The following TNFRSF13B variants were observed in gnomAD, a reference collection of about 807,000 sequenced individuals.
The protein encoded by TNFRSF13B is TNF receptor superfamily member 13B.
A neutral mutation model predicts 24.0 loss-of-function variants in TNFRSF13B; 34 were observed. The ratio of observed to expected loss-of-function variants is 1.41; its 90% CI spans 1.08 to 1.88. The LOEUF (loss-of-function observed/expected upper bound fraction) is 1.88. TNFRSF13B is among the 40% of genes most tolerant of loss of function. The pLI, the probability that TNFRSF13B is intolerant of heterozygous loss-of-function variation, is 0.00. For synonymous variants in TNFRSF13B, 173 were observed against 150.3 expected, an observed-to-expected ratio of 1.15 and a Z score of -1.10; for missense variants, 415 against 380.8, an observed-to-expected ratio of 1.09 and a Z score of -0.75.
rs1271970429 is a variant in TNFRSF13B, at chr17:16,952,556, G to A, written c.89C>T (p.Ala30Val). ...RFPQGLWTGV[A>V]MRSCPEEQYW... ...CTGCTCTTCGGGGCAGGATCTCATA[G>A]CCACCCCCGTCCACAGGCCCTGTGG... is the stretch of plus-strand genomic sequence containing the variant. Residue 30 changes from alanine (A) to valine (V), a missense_variant, in exon 2 of 5, where the codon GCT becomes GTT. Physicochemically the swap from Ala to Val is moderately conservative, Grantham distance 64. Transcript: ENST00000261652. 6.2e-7 allele frequency: 1 copy of A among 1,614,218 alleles called. No homozygotes were observed.
chr17:16,948,756 C>T lies in TNFRSF13B; in HGVS notation c.427G>A (p.Gly143Ser), dbSNP rs745632182. 1 of 1,614,136 alleles carries T rather than the reference C, an allele frequency of 6.2e-7. No homozygotes were observed. The highest frequency in any genetic ancestry group is 8.5e-7 in the Non-Finnish European group (1 of 1,180,044). ...SGRYQGLEHR[G>S]SEASPALPGL... ...GGCTTACCTGGACTTGCTTCTGAGC[C>T]TCTGTGCTCCAATCCTTGGTACCTT... Residue 143 changes from glycine to serine, a missense_variant, in exon 3 of 5, where the codon GGC becomes AGC. Transcript: ENST00000261652.
At chr17:16,960,624 T>C (rs1247597427) in intron 1 of TNFRSF13B, among the ~76,000 whole-genome samples, 1 of 152,156 alleles carries the variant, frequency 6.6e-6, no homozygotes, top group Non-Finnish European at 1.5e-5. Flanking sequence ...CAAAATGGAC[T>C]AAGTGCTAAA....
intron 1 of TNFRSF13B, among the ~76,000 whole-genome samples, chr17:16,953,664 TG>T (rs1487030584): frequency 7.2e-5 from 11 of 152,356 alleles, no homozygotes; most frequent in African/African-American, 2.4e-4. Flanking sequence ...AATCTTCCAC[TG>T]TGTGCATGCA....
chr17:16,940,692 AC>A lies in TNFRSF13B; in HGVS notation c.446-182del. ...TCTGGATCCTGGAGGAAGTTGATCCACTCCCCCATCCTGGCAGCAACTTTCT... is the reference window on the plus strand; with the variant it reads ...TCTGGATCCTGGAGGAAGTTGATCCATCCCCCATCCTGGCAGCAACTTTCT... On this transcript the variant is annotated intron_variant, in intron 3 of 4. Transcript: ENST00000261652. 8 of 1,463,092 alleles carry A rather than the reference AC, an allele frequency of 5.5e-6. No individual in the cohort carries two copies. In the South Asian group the frequency reaches 1.1e-4, roughly 20 times the overall value. The allele number at this position is 1,463,092 out of a possible 1,614,324, so 90.6% of individuals were successfully genotyped here.
intron 1 of TNFRSF13B, among the ~76,000 whole-genome samples, chr17:16,965,323 G>A (rs1255950340): frequency 1.3e-5 from 2 of 152,072 alleles, no homozygotes; most frequent in African/African-American, 4.8e-5. Flanking sequence ...TCTGGGCTGG[G>A]GGAACTACCC....
intron 3 of TNFRSF13B, among the ~76,000 whole-genome samples, chr17:16,945,128 C>G (rs2087538278): frequency 6.6e-6 from 1 of 152,206 alleles, no homozygotes; most frequent in Non-Finnish European, 1.5e-5. Context: ...CACAGAGCCA[C>G]CAAAAGCCGC....
chr17:16,963,738 G>A (rs576204111), intron 1 of TNFRSF13B, among the ~76,000 whole-genome samples: 1 of 152,234 alleles, frequency 6.6e-6, no homozygotes, highest in African/African-American at 2.4e-5. Context: ...TTTTAGTAGA[G>A]ACAGGGTTTC....
intron 1 of TNFRSF13B, among the ~76,000 whole-genome samples, chr17:16,961,425 A>G (rs934141514): frequency 1.3e-5 from 2 of 152,230 alleles, no homozygotes; most frequent in Non-Finnish European, 2.9e-5. Context: ...TGAATGGAAT[A>G]CTTATACATG....
At position 16,940,364 on chromosome 17, in the gene TNFRSF13B, C is replaced by T. The variant is rs150974807; in HGVS notation, c.593G>A (p.Arg198His). ...KRGDPCSCQP[R>H]SRPRQSPAKS... ...GGCCGGACTTTGACGGGGCCTTGAG[C>T]GGGGCTGGCAGGAGCAGGGATCCCC... The change falls in exon 4 of 5, where the codon CGC becomes CAC. Residue 198 changes from arginine to histidine, a missense_variant. Physicochemically the swap from Arg to His is conservative, Grantham distance 29. Transcript: ENST00000261652. 637 of 1,613,852 alleles carry T rather than the reference C, an allele frequency of 3.9e-4. No individual in the cohort carries two copies. In the South Asian group the frequency reaches 5.8e-3, roughly 15 times the overall value.
chr17:16,943,881 C>T (rs941097336), intron 3 of TNFRSF13B, among the ~76,000 whole-genome samples: 1 of 152,180 alleles, frequency 6.6e-6, no homozygotes. Context: ...GACACACACA[C>T]TCCCTGCACC....
intron 1 of TNFRSF13B, among the ~76,000 whole-genome samples, chr17:16,958,866 T>G (rs2087642808): frequency 6.6e-6 from 1 of 152,040 alleles, no homozygotes; most frequent in Non-Finnish European, 1.5e-5. Flanking sequence ...ACACTAATAT[T>G]GGGATATTTC....
At chr17:16,960,531 T>C (rs2087655344) in intron 1 of TNFRSF13B, among the ~76,000 whole-genome samples, 1 of 152,210 alleles carries the variant, frequency 6.6e-6, no homozygotes, top group African/African-American at 2.4e-5. Context: ...GTCTCTTCCA[T>C]AAATGATGCT....
At chr17:16,964,260 C>A (rs748235217) in intron 1 of TNFRSF13B, among the ~76,000 whole-genome samples, 1 of 151,762 alleles carries the variant, frequency 6.6e-6, no homozygotes, top group Non-Finnish European at 1.5e-5. Context: ...GGCTCTAAGA[C>A]CCCCCTGCCT....
chr17:16,969,195 G>T (rs540396507), intron 1 of TNFRSF13B, among the ~76,000 whole-genome samples: 2 of 152,284 alleles, frequency 1.3e-5, no homozygotes, highest in South Asian at 4.1e-4. Context: ...CCACTTGTAG[G>T]TATCTATCTA....
intron 1 of TNFRSF13B, among the ~76,000 whole-genome samples, chr17:16,966,811 T>G (rs868536536): frequency 2.9e-4 from 43 of 148,622 alleles, no homozygotes; most frequent in Non-Finnish European, 3.4e-4. Context: ...CAACATTTGG[T>G]TTTTTTTGTT....
chr17:16,944,822 A>G (rs577856503), intron 3 of TNFRSF13B, among the ~76,000 whole-genome samples: 3 of 152,294 alleles, frequency 2.0e-5, no homozygotes, highest in East Asian at 1.9e-4. Flanking sequence ...GGCTGGAGAC[A>G]GGGAACGGCA....
At chr17:16,953,359 T>C (rs2087603255) in intron 1 of TNFRSF13B, among the ~76,000 whole-genome samples, 1 of 152,226 alleles carries the variant, frequency 6.6e-6, no homozygotes, top group African/African-American at 2.4e-5. Flanking sequence ...ACCACAATGA[T>C]GTGTGTAAAG....
At chr17:16,948,700 C>T (rs769811212) in intron 3 of TNFRSF13B, 38 bp downstream of exon 3, 6 of 1,612,532 alleles carry the variant, frequency 3.7e-6, no homozygotes, top group Non-Finnish European at 5.1e-6. Flanking sequence ...CTTTCTCACC[C>T]TGCGTGACAC....
Position 16,940,400 on chromosome 17 carries a change from A to G in TNFRSF13B, c.557T>C (p.Leu186Pro). 1 of 1,614,022 alleles carries G rather than the reference A, an allele frequency of 6.2e-7. No homozygotes were observed. The highest frequency in any genetic ancestry group is 1.3e-5 in the African/African-American group (1 of 75,016). The stretch of plus-strand genomic sequence containing the variant: ...GGAGCAGGGATCCCCCCTCTTCTTG[A>G]GGAAGCAGGCCACCGCCACCAGGAA... The part of the protein sequence containing the change: ...CCFLVAVACF[L>P]KKRGDPCSCQ... The change falls in exon 4 of 5, where the codon CTC becomes CCC. Residue 186 changes from leucine to proline, a missense_variant. Coordinates refer to ENST00000261652, the MANE Select transcript of TNFRSF13B (RefSeq NM_012452.3).
Sources: gnomAD v4.1 joint callset for allele counts (sites outside exome capture counted in the v4.1 genomes callset) on GRCh38, gnomAD v4.1.1 for gene constraint, MANE v1.5 for transcripts, NCBI Gene and HGNC (gene_info 2026-07-23, HGNC 2026-07-21) for gene names.